ACO1: variants seen among roughly 807,000 people sequenced by gnomAD.
The protein encoded by ACO1 is cytoplasmic aconitate hydratase.
Under a neutral mutation model 105.1 loss-of-function variants are expected in ACO1, and 78 were observed. The observed-to-expected ratio is 0.74, with a 90% confidence interval of 0.62 to 0.90. The LOEUF (loss-of-function observed/expected upper bound fraction) is 0.90. Ranked by LOEUF, ACO1 falls within the 40% of genes least tolerant of loss-of-function variation. The pLI, the probability that ACO1 is intolerant of heterozygous loss-of-function variation, is 0.00. For synonymous variants in ACO1, 364 were observed against 397.4 expected, an observed-to-expected ratio of 0.92 and a Z score of 1.00; for missense variants, 965 against 1,111.1, an observed-to-expected ratio of 0.87 and a Z score of 1.87.
In ACO1 at chr9:32,408,497, T is replaced by G. The variant is rs1821663038; in HGVS notation, c.267-17T>G. The G allele has an allele frequency of 6.2e-7, 1 of 1,612,944 alleles. No individual in the cohort carries two copies. Among genetic ancestry groups the G allele is most frequent in the Non-Finnish European group, 8.5e-7 (1 of 1,179,660 alleles). Reference sequence around the variant, plus strand: ...ATTTAAGGCTTATTTTCTGCATTATTCTCTTTCTTCTCTTAGGGGTGTGCC... The same window carrying G: ...ATTTAAGGCTTATTTTCTGCATTATGCTCTTTCTTCTCTTAGGGGTGTGCC... On this transcript the variant is annotated splice_polypyrimidine_tract_variant and intron_variant, in intron 3 of 20. Coordinates refer to ENST00000309951, the MANE Select transcript of ACO1 (RefSeq NM_002197.3).
chr9:32,410,426 G>C (rs1459384949), intron 4 of ACO1, among the ~76,000 whole-genome samples: 4 of 152,060 alleles, frequency 2.6e-5, no homozygotes, highest in Admixed American at 2.6e-4. Flanking sequence ...TGGGTGTGGT[G>C]GTGGGCACCT....
chr9:32,428,124 AT>A (rs1822141033), intron 12 of ACO1, among the ~76,000 whole-genome samples: 2 of 145,928 alleles, frequency 1.4e-5, no homozygotes, highest in South Asian at 2.2e-4. Context: ...AAAAAAAAAA[AT>A]GTAAAACAAT....
chr9:32,434,808 T>C (rs1822319852), intron 17 of ACO1, 107 bp downstream of exon 17: 1 of 1,359,424 alleles, frequency 7.4e-7, no homozygotes, highest in East Asian at 2.4e-5. Context: ...GACTCTTTGG[T>C]TGTGCACTGA....
intron 4 of ACO1, 135 bp downstream of exon 4, chr9:32,408,786 T>C (rs1821671638): frequency 1.0e-5 from 11 of 1,061,478 alleles, no homozygotes; most frequent in Non-Finnish European, 1.4e-5. Flanking sequence ...AAACTTCATA[T>C]ACATTTCGCA....
intron 19 of ACO1, 74 bp downstream of exon 19, chr9:32,440,661 GC>G: frequency 6.5e-7 from 1 of 1,539,892 alleles, no homozygotes; most frequent in South Asian, 1.2e-5. Context: ...AAATCCTGTT[GC>G]TTTACTTTCC....
Position 32,400,437 on chromosome 9 carries a change from T to G in ACO1, c.-22-5048T>G, listed in dbSNP as rs1490603722. ...GTTTGACTTGAATGAGGTGTGGCAC[T>G]GTTCATCTAAGGCTAAATTTGAGCC... On this transcript the variant is annotated intron_variant, in intron 1 of 20. Transcript: ENST00000309951. Among the ~76,000 whole-genome samples the G allele has an allele frequency of 2.0e-5, 3 of 152,294 alleles. No individual in the cohort carries two copies. The South Asian group carries it at 6.2e-4, about 32-fold the overall frequency.
chr9:32,422,970 G>A (rs189479461), intron 8 of ACO1, among the ~76,000 whole-genome samples: 57 of 152,272 alleles, frequency 3.7e-4, no homozygotes, highest in African/African-American at 1.3e-3. Context: ...CCAGTTGAAG[G>A]CAAATGCATA....
intron 13 of ACO1, among the ~76,000 whole-genome samples, chr9:32,430,165 TA>T (rs1822193893): frequency 6.6e-6 from 1 of 152,222 alleles, no homozygotes; most frequent in African/African-American, 2.4e-5. Context: ...CAATAACTAG[TA>T]TGTTGCCTTC....
intron 4 of ACO1, among the ~76,000 whole-genome samples, chr9:32,414,784 G>A (rs1410355288): frequency 6.6e-6 from 1 of 152,112 alleles, no homozygotes. Context: ...TACCTGTAGT[G>A]GTAGAAATCA....
chr9:32,447,327 T>G (rs1269652349), intron 19 of ACO1, among the ~76,000 whole-genome samples: 1 of 152,232 alleles, frequency 6.6e-6, no homozygotes, highest in Non-Finnish European at 1.5e-5. Context: ...ATCTTCAATC[T>G]CTGATATCTT....
At chr9:32,387,669 A>G (rs1766586387) in intron 1 of ACO1, among the ~76,000 whole-genome samples, 1 of 152,214 alleles carries the variant, frequency 6.6e-6, no homozygotes, top group African/African-American at 2.4e-5. Flanking sequence ...TTTTGTGTAA[A>G]GGGACAGGTA....
At position 32,419,196 on chromosome 9, in the gene ACO1, T is replaced by C. The variant is rs1458622288; in HGVS notation, c.798+19T>C. On this transcript the variant is annotated intron_variant, in intron 7 of 20. Transcript: ENST00000309951. The stretch of plus-strand genomic sequence containing the variant: ...TACCAAGGTAACAATGTGCATCCTC[T>C]TCTGTGGTCTTGGAAAGCCACAATG... The C allele has an allele frequency of 1.3e-6, 2 of 1,541,258 alleles. No homozygotes were observed. The highest frequency in any genetic ancestry group is 1.2e-5 in the South Asian group (1 of 80,636).
chr9:32,419,788 A>G (rs934615452), intron 7 of ACO1, among the ~76,000 whole-genome samples: 1 of 152,208 alleles, frequency 6.6e-6, no homozygotes, highest in Non-Finnish European at 1.5e-5. Context: ...CTTTTTCTGT[A>G]GCTGTTAGAG....
At position 32,450,469 on chromosome 9, in the gene ACO1, T is replaced by G. The variant is rs758211551; in HGVS notation, c.*358T>G. 8 of 350,616 alleles carry G rather than the reference T, an allele frequency of 2.3e-5. No individual in the cohort carries two copies. The highest frequency in any genetic ancestry group is 4.3e-5 in the African/African-American group (2 of 46,814). The allele number at this position is 350,616 out of a possible 1,614,324, so 21.7% of individuals were successfully genotyped here. A position where few individuals can be genotyped will look rare whatever the true frequency, so the allele number is the denominator to read the frequency against. Reference sequence around the variant, plus strand: ...CACAAGCAAACCTTCTCAGGAGGTGTCTCCTACCCTCTTATTGTTCCTCTT... The same window carrying G: ...CACAAGCAAACCTTCTCAGGAGGTGGCTCCTACCCTCTTATTGTTCCTCTT... On this transcript the variant is annotated 3_prime_UTR_variant, in exon 21 of 21. Coordinates refer to ENST00000309951, the MANE Select transcript of ACO1 (RefSeq NM_002197.3).
At chr9:32,426,730 C>T (rs1342306086) in intron 11 of ACO1, among the ~76,000 whole-genome samples, 1 of 152,168 alleles carries the variant, frequency 6.6e-6, no homozygotes, top group African/African-American at 2.4e-5. Flanking sequence ...GTCCCCACCC[C>T]CACTGCTCAT....
In ACO1 at chr9:32,450,041, C is replaced by A; in HGVS notation, c.2600C>A (p.Thr867Asn). 6.2e-7 allele frequency: 1 copy of A among 1,614,114 alleles called. No homozygotes were observed. Among genetic ancestry groups the A allele is most frequent in the Non-Finnish European group, 8.5e-7 (1 of 1,180,028 alleles). ...KTFQAVMRFD[T>N]DVELTYFLNG... ...TTCCAGGCTGTCATGAGGTTTGACA[C>A]TGATGTGGAGCTCACTTATTTCCTC... Residue 867 changes from threonine to asparagine, a missense_variant, in exon 21 of 21, where the codon ACT becomes AAT. By Grantham distance (65) the Thr-to-Asn change is moderately conservative. Coordinates refer to ENST00000309951, the MANE Select transcript of ACO1 (RefSeq NM_002197.3).
chr9:32,389,084 T>G (rs932162396), intron 1 of ACO1, among the ~76,000 whole-genome samples: 1 of 152,226 alleles, frequency 6.6e-6, no homozygotes, highest in Non-Finnish European at 1.5e-5. Context: ...AAAGTGTTCC[T>G]TAGCAAGCTA....
chr9:32,444,145 T>C (rs1822546298), intron 19 of ACO1, among the ~76,000 whole-genome samples: 1 of 152,220 alleles, frequency 6.6e-6, no homozygotes, highest in Non-Finnish European at 1.5e-5. Flanking sequence ...GCAAAGGACA[T>C]GAACTCATCC....
intron 1 of ACO1, among the ~76,000 whole-genome samples, chr9:32,404,333 GC>G (rs1175711946): frequency 6.6e-6 from 1 of 151,620 alleles, no homozygotes; most frequent in African/African-American, 2.4e-5. Flanking sequence ...TAATCCCTCC[GC>G]CCCTTTTTTC....
Sources: allele counts gnomAD v4.1 joint callset (sites outside exome capture counted in the v4.1 genomes callset), GRCh38; gene constraint gnomAD v4.1.1; transcripts MANE v1.5; gene names NCBI Gene and HGNC (gene_info 2026-07-23, HGNC 2026-07-21).